The following APC2 variants were observed in gnomAD, a reference collection of about 807,000 sequenced individuals.
APC2 encodes adenomatous polyposis coli protein 2.
Under a neutral mutation model 72.5 loss-of-function variants are expected in APC2, and 41 were observed. The observed-to-expected ratio is 0.57, with a 90% confidence interval of 0.44 to 0.73. APC2 has a LOEUF of 0.73. Ranked by LOEUF, APC2 falls within the 30% of genes least tolerant of loss-of-function variation. The pLI, the probability that APC2 is intolerant of heterozygous loss-of-function variation, is 0.00. For missense variants in APC2, 3,729 were observed against 3,403.4 expected (o/e 1.10, Z -2.38); for synonymous variants, 1,898 against 1,612.0 (o/e 1.18, Z -4.25).
chr19:1,467,418 G>A lies in APC2; in HGVS notation c.4117G>A (p.Val1373Ile), dbSNP rs915404868. 12 of 1,489,980 alleles carry A rather than the reference G, an allele frequency of 8.1e-6. No individual in the cohort carries two copies. Among genetic ancestry groups the A allele is most frequent in the Non-Finnish European group, 9.8e-6 (11 of 1,125,430 alleles). The allele number at this position is 1,489,980 out of a possible 1,614,324, so 92.3% of individuals were successfully genotyped here. ...AGGTCGCCGCGCACTCCCCGTGCCCGTCTACATGTTGGTGCCCGCCCCGGC... is the reference window on the plus strand; with the variant it reads ...AGGTCGCCGCGCACTCCCCGTGCCCATCTACATGTTGGTGCCCGCCCCGGC... ...VPGRRALPVP[V>I]YMLVPAPAPA... Residue 1373 changes from valine (V) to isoleucine (I), a missense_variant, in exon 15 of 15, where the codon GTC becomes ATC. Val to Ile is a conservative substitution (Grantham distance 29). Coordinates refer to ENST00000590469, the MANE Select transcript of APC2 (RefSeq NM_005883.3).
At position 1,469,721 on chromosome 19, in the gene APC2, C is replaced by T; in HGVS notation, c.6420C>T (p.Ala2140=). 1 of 1,451,914 alleles carries T rather than the reference C, an allele frequency of 6.9e-7. No individual in the cohort carries two copies. Among genetic ancestry groups the T allele is most frequent in the Non-Finnish European group, 9.0e-7 (1 of 1,109,092 alleles). 89.9% of individuals were successfully genotyped at this position (1,451,914 alleles called of 1,614,324 possible). A position where few individuals can be genotyped will look rare whatever the true frequency, so the allele number is the denominator to read the frequency against. Residue 2140 remains alanine, a synonymous_variant, in exon 15 of 15, where the codon GCC becomes GCT. Transcript: ENST00000590469. ...DGEPRPLPRV[A]APGTTWRRIR... The stretch of plus-strand genomic sequence containing the variant: ...AGCCCCGGCCGCTCCCCAGGGTGGC[C>T]GCGCCGGGCACGACCTGGCGGCGCA...
At position 1,472,627 on chromosome 19, in the gene APC2, C is replaced by A. The variant is rs2084154361; in HGVS notation, c.*2414C>A. 1 of 149,384 alleles carries A rather than the reference C, an allele frequency of 6.7e-6. No homozygotes were observed. Among genetic ancestry groups the A allele is most frequent in the Non-Finnish European group, 1.5e-5 (1 of 67,468 alleles). 9.3% of individuals were successfully genotyped at this position (149,384 alleles called of 1,614,324 possible). ...ACCCCGAGTCCTGAGCTCACTTTCG[C>A]CTTCTCCATCCCCTGCCGTGGGGGC... On this transcript the variant is annotated 3_prime_UTR_variant, in exon 15 of 15. Coordinates refer to ENST00000590469, the MANE Select transcript of APC2 (RefSeq NM_005883.3).
Position 1,472,370 on chromosome 19 carries a change from T to C in APC2, c.*2157T>C, listed in dbSNP as rs1309167813. ...GGTTATGCAGGAAGGTGGTGCGGCA[T>C]TGCCTTCCACATATGTAAGTCTCTG... On this transcript the variant is annotated 3_prime_UTR_variant, in exon 15 of 15. Transcript: ENST00000590469. 6.6e-6 allele frequency: 1 copy of C among 152,274 alleles called. No homozygotes were observed. The highest frequency in any genetic ancestry group is 1.5e-5 in the Non-Finnish European group (1 of 68,078). The allele number at this position is 152,274 out of a possible 1,614,324, so 9.4% of individuals were successfully genotyped here.
upstream of APC2, among the ~76,000 whole-genome samples, chr19:1,446,922 C>T (rs1463654354): frequency 6.6e-6 from 1 of 152,200 alleles, no homozygotes; most frequent in South Asian, 2.1e-4. The surrounding 1 kb of genome is among the most constrained non-coding windows in gnomAD (Gnocchi z 6.1). Context: ...GAAACTGAGG[C>T]TGGGGGGTGC....
At chr19:1,449,395 G>A (rs982571121), upstream of APC2, among the ~76,000 whole-genome samples, 1 of 152,128 alleles carries the variant, frequency 6.6e-6, no homozygotes, top group Admixed American at 6.5e-5. Context: ...GCGACTCCTG[G>A]GACCCCTGGC....
intron 8 of APC2, 45 bp from the exon 9 acceptor site, chr19:1,456,807 CG>C (rs765265803): frequency 6.4e-7 from 1 of 1,560,780 alleles, no homozygotes. Context: ...TCCAGGTGTG[CG>C]GGGGGCAGGT....
chr19:1,457,023 G>T lies in APC2; in HGVS notation c.987G>T (p.Gly329=). ...QILHGTEAAA[G]GRAGAPGAPG... is the part of the protein sequence containing the mutation. ...TCCACGGCACCGAGGCCGCGGCCGG[G>T]GGTCGCGCCGGGGCCCCAGGGGCAC... Residue 329 remains glycine (G), a synonymous_variant, in exon 9 of 15, where the codon GGG becomes GGT. Transcript: ENST00000590469. 1 of 1,527,682 alleles carries T rather than the reference G, an allele frequency of 6.5e-7. No individual in the cohort carries two copies. The highest frequency in any genetic ancestry group is 2.0e-5 in the Admixed American group (1 of 49,278). 94.6% of individuals were successfully genotyped at this position (1,527,682 alleles called of 1,614,324 possible). A position where few individuals can be genotyped will look rare whatever the true frequency, so the allele number is the denominator to read the frequency against.
upstream of APC2, among the ~76,000 whole-genome samples, chr19:1,448,602 T>G (rs2083708211): frequency 1.4e-5 from 2 of 144,948 alleles, no homozygotes; most frequent in African/African-American, 5.2e-5. Flanking sequence ...TCCCAGCACT[T>G]TGGGAGGCCG....
upstream of APC2, among the ~76,000 whole-genome samples, chr19:1,449,810 G>C (rs1279312001): frequency 6.6e-6 from 1 of 152,212 alleles, no homozygotes; most frequent in Non-Finnish European, 1.5e-5. Context: ...AGATGCTGAT[G>C]TAACATCCAG....
At position 1,467,977 on chromosome 19, in the gene APC2, C is replaced by A; in HGVS notation, c.4676C>A (p.Pro1559Gln). The change falls in exon 15 of 15, where the codon CCG becomes CAG. Residue 1559 changes from proline (P) to glutamine (Q), a missense_variant. Physicochemically the swap from Pro to Gln is moderately conservative, Grantham distance 76 (BLOSUM62 -1). Coordinates refer to ENST00000590469, the MANE Select transcript of APC2 (RefSeq NM_005883.3). ...PAPSKAAPAA[P>Q]PPARTQPSLI... is the part of the protein sequence containing the mutation. ...CCGTCCAAGGCTGCACCAGCTGCCC[C>A]GCCGCCCGCCCGGACCCAGCCCAGC... 1 of 1,578,960 alleles carries A rather than the reference C, an allele frequency of 6.3e-7. No homozygotes were observed. Among genetic ancestry groups the A allele is most frequent in the African/African-American group, 1.4e-5 (1 of 71,938 alleles).
In APC2 at chr19:1,468,068, C is replaced by G; in HGVS notation, c.4767C>G (p.Pro1589=). 2 of 1,566,938 alleles carry G rather than the reference C, an allele frequency of 1.3e-6. No homozygotes were observed. The highest frequency in any genetic ancestry group is 1.7e-6 in the Non-Finnish European group (2 of 1,166,136). ...LSSSASSLSE[P]EPSEPPAVHP... is the part of the protein sequence containing the mutation. Reference sequence around the variant, plus strand: ...CCTCCGCCAGCTCCCTCAGCGAGCCCGAGCCCTCGGAGCCGCCGGCCGTCC... The same window carrying G: ...CCTCCGCCAGCTCCCTCAGCGAGCCGGAGCCCTCGGAGCCGCCGGCCGTCC... Residue 1589 remains proline (P), a synonymous_variant, in exon 15 of 15, where the codon CCC becomes CCG. Transcript: ENST00000590469.
chr19:1,450,191 C>T lies in APC2; in HGVS notation c.-166C>T. The T allele has an allele frequency of 1.0e-6, 1 of 985,246 alleles. No individual in the cohort carries two copies. The highest frequency in any genetic ancestry group is 1.2e-6 in the Non-Finnish European group (1 of 829,868). 61.0% of individuals were successfully genotyped at this position (985,246 alleles called of 1,614,324 possible). A position where few individuals can be genotyped will look rare whatever the true frequency, so the allele number is the denominator to read the frequency against. On this transcript the variant is annotated 5_prime_UTR_variant, in exon 1 of 15. Transcript: ENST00000590469. ...GGCCCGGACCGGGCTTTGTCCGCCC[C>T]GGAGCCCCTGCCCGCGCCGCGGAGA...
Position 1,472,880 on chromosome 19 carries a change from TGGA to T in APC2, c.*2670_*2672del, listed in dbSNP as rs2084158544. The T allele has an allele frequency of 6.6e-6, 1 of 152,066 alleles. No homozygotes were observed. Among genetic ancestry groups the T allele is most frequent in the Non-Finnish European group, 1.5e-5 (1 of 68,080 alleles). 9.4% of individuals were successfully genotyped at this position (152,066 alleles called of 1,614,324 possible). A position where few individuals can be genotyped will look rare whatever the true frequency, so the allele number is the denominator to read the frequency against. ...TGAGGGTCTGAGGACGCAGGGAGGGTGGAGGTGTCCTGAGGCTGATGGACAGTG... is the reference window on the plus strand; with the variant it reads ...TGAGGGTCTGAGGACGCAGGGAGGGTGGTGTCCTGAGGCTGATGGACAGTG... On this transcript the variant is annotated 3_prime_UTR_variant, in exon 15 of 15. Transcript: ENST00000590469.
rs777020330 is a variant in APC2 at position 1,457,152 on chromosome 19, C to A, written c.1116C>A (p.His372Gln). Residue 372 changes from histidine (H) to glutamine (Q), a missense_variant, in exon 9 of 15, where the codon CAC (histidine) becomes CAA (glutamine). By Grantham distance (24) the His-to-Gln change is conservative. Coordinates refer to ENST00000590469, the MANE Select transcript of APC2 (RefSeq NM_005883.3). ...GLARKEMRVLHVLEQIRAYCE... is the reference protein window; with the variant it reads ...GLARKEMRVLQVLEQIRAYCE... Reference sequence around the variant, plus strand: ...CGCGCAAGGAGATGCGCGTCCTGCACGTGCTGGAGCAGATCCGGGCCTACT... The same window carrying A: ...CGCGCAAGGAGATGCGCGTCCTGCAAGTGCTGGAGCAGATCCGGGCCTACT... 6.3e-7 allele frequency: 1 copy of A among 1,586,946 alleles called. No individual in the cohort carries two copies. The highest frequency in any genetic ancestry group is 1.1e-5 in the South Asian group (1 of 87,178).
In APC2 at chr19:1,452,907, C is replaced by A. The variant is rs1698507454; in HGVS notation, c.-18-77C>A. The A allele has an allele frequency of 4.0e-6, 6 of 1,507,058 alleles. No individual in the cohort carries two copies. The highest frequency in any genetic ancestry group is 1.4e-5 in the African/African-American group (1 of 72,904). The allele number at this position is 1,507,058 out of a possible 1,614,324, so 93.4% of individuals were successfully genotyped here. A position where few individuals can be genotyped will look rare whatever the true frequency, so the allele number is the denominator to read the frequency against. On this transcript the variant is annotated intron_variant, in intron 1 of 14. Transcript: ENST00000590469. The surrounding 1 kb of genome is among the most constrained non-coding windows in gnomAD (Gnocchi z 5.1). ...CAGGCAGGACGGCTGGGGCTTAGGT[C>A]AGGGGCCGTCTGTCCGGAAGGCATC...
chr19:1,465,022 C>A, intron 14 of APC2, 133 bp from the exon 15 acceptor site: 1 of 909,268 alleles, frequency 1.1e-6, no homozygotes, highest in Non-Finnish European at 1.6e-6. Flanking sequence ...ATACTTATAC[C>A]AAAAATTAGT....
At chr19:1,465,049 C>T (rs2083983990) in intron 14 of APC2, 106 bp from the exon 15 acceptor site, 1 of 1,294,976 alleles carries the variant, frequency 7.7e-7, no homozygotes, top group Non-Finnish European at 1.1e-6. Context: ...AAGATCCAAA[C>T]CTAACCAGAT....
chr19:1,447,614 G>C (rs1215632431), upstream of APC2, among the ~76,000 whole-genome samples: 1 of 151,864 alleles, frequency 6.6e-6, no homozygotes, highest in Non-Finnish European at 1.5e-5. Context: ...GGTGATGTCT[G>C]AGTGTGGCTG....
intron 9 of APC2, 67 bp from the exon 10 acceptor site, chr19:1,457,898 G>GGGGGGGGGGGGGGGGGGGC: frequency 7.0e-7 from 1 of 1,432,324 alleles, no homozygotes. Flanking sequence ...CGGGTTGCGG[G>GGGGGGGGGGGGGGGGGGGC]ACCTTCGGGA....
Sources: gnomAD v4.1 joint callset for allele counts (sites outside exome capture counted in the v4.1 genomes callset) on GRCh38, gnomAD v4.1.1 for gene constraint, Gnocchi (gnomAD v3.1) non-coding constraint, MANE v1.5 for transcripts, NCBI Gene and HGNC (gene_info 2026-07-23, HGNC 2026-07-21) for gene names.